TSC22D4: variants seen among roughly 807,000 people sequenced by gnomAD.
The protein encoded by TSC22D4 is TSC22 domain family protein 4.
Under a neutral mutation model 24.9 loss-of-function variants are expected in TSC22D4, and 5 were observed. The ratio of observed to expected loss-of-function variants is 0.20; its 90% CI spans 0.10 to 0.42. TSC22D4 has a LOEUF of 0.42. Ranked by LOEUF, TSC22D4 falls within the 10% of genes least tolerant of loss-of-function variation. The probability of loss-of-function intolerance (pLI) is 1.00; values close to 1 mark genes in which losing one functional copy is unlikely to be tolerated. For missense variants in TSC22D4, 469 were observed against 547.9 expected (o/e 0.86, Z 1.44); for synonymous variants, 245 against 243.2 (o/e 1.01, Z -0.07).
Position 100,474,174 on chromosome 7 carries a change from C to G in TSC22D4, c.929+100G>C. ...CTAAGAGGTCCTCTCCAAGTTCAACCTGGGGGAAGGATGCCTACCAGGCAC... is the reference window on the plus strand; with the variant it reads ...CTAAGAGGTCCTCTCCAAGTTCAACGTGGGGGAAGGATGCCTACCAGGCAC... On this transcript the variant is annotated intron_variant, in intron 3 of 4. Coordinates refer to ENST00000300181, the MANE Select transcript of TSC22D4 (RefSeq NM_030935.5). The surrounding 1 kb of genome is among the most constrained non-coding windows in gnomAD (Gnocchi z 4.3). The G allele has an allele frequency of 1.3e-6, 2 of 1,506,702 alleles. No homozygotes were observed. The highest frequency in any genetic ancestry group is 9.0e-7 in the Non-Finnish European group (1 of 1,107,212). The allele number at this position is 1,506,702 out of a possible 1,614,324, so 93.3% of individuals were successfully genotyped here.
At chr7:100,470,439 G>A (rs987786221) in intron 3 of TSC22D4, among the ~76,000 whole-genome samples, 1 of 152,106 alleles carries the variant, frequency 6.6e-6, no homozygotes. Context: ...TTACAGGCAT[G>A]AGCCACCATG....
chr7:100,470,683 G>A (rs1032510541), intron 3 of TSC22D4, among the ~76,000 whole-genome samples: 2 of 152,128 alleles, frequency 1.3e-5, no homozygotes, highest in Non-Finnish European at 2.9e-5. Flanking sequence ...GGACCCCAAA[G>A]CGAGGGGTTG....
At chr7:100,470,327 T>A (rs1013446828) in intron 3 of TSC22D4, among the ~76,000 whole-genome samples, 8 of 152,186 alleles carry the variant, frequency 5.3e-5, no homozygotes, top group African/African-American at 1.4e-4. Context: ...GTTTTTGCTC[T>A]TGTTGCCCAG....
chr7:100,473,110 T>C (rs1381161868), intron 3 of TSC22D4, among the ~76,000 whole-genome samples: 1 of 152,170 alleles, frequency 6.6e-6, no homozygotes, highest in African/African-American at 2.4e-5. Context: ...GGCCTCCCTT[T>C]TCAGCTTGCT....
intron 3 of TSC22D4, among the ~76,000 whole-genome samples, chr7:100,470,652 C>T (rs1183325532): frequency 5.3e-5 from 8 of 152,120 alleles, no homozygotes; most frequent in Non-Finnish European, 1.2e-4. Context: ...AGGGCTCTGG[C>T]AATGCAGGCC....
intron 3 of TSC22D4, among the ~76,000 whole-genome samples, chr7:100,473,016 G>A (rs1563181526): frequency 6.6e-6 from 1 of 152,022 alleles, no homozygotes; most frequent in Non-Finnish European, 1.5e-5. Flanking sequence ...AAAGAAAAGC[G>A]GTGACTCCCC....
rs1057324171 is a variant in TSC22D4, at chr7:100,477,065, G to A, written c.762+212C>T. 6.6e-6 allele frequency among the ~76,000 whole-genome samples: 1 copy of A among 152,178 alleles called. No homozygotes were observed. The highest frequency in any genetic ancestry group is 1.5e-5 in the Non-Finnish European group (1 of 68,034). ...GAGAATCAGAGGCCAGGGAGAAAGA[G>A]AGAGGGTGCAGAAAAACAGGAAGGA... On this transcript the variant is annotated intron_variant, in intron 2 of 4. Coordinates refer to ENST00000300181, the MANE Select transcript of TSC22D4 (RefSeq NM_030935.5). This position sits in a 1 kb window ranked among gnomAD's most constrained non-coding sequence, Gnocchi z 7.8.
intron 3 of TSC22D4, among the ~76,000 whole-genome samples, chr7:100,469,424 C>A (rs1348273271): frequency 6.6e-6 from 1 of 151,964 alleles, no homozygotes; most frequent in African/African-American, 2.4e-5. Flanking sequence ...CACCAGAGGG[C>A]GACTCAGGCC....
At chr7:100,470,968 C>T (rs892292575) in intron 3 of TSC22D4, among the ~76,000 whole-genome samples, 17 of 152,078 alleles carry the variant, frequency 1.1e-4, no homozygotes, top group African/African-American at 3.6e-4. Context: ...GGTCCTGGGG[C>T]GGGGACAGCC....
Position 100,479,053 on chromosome 7 carries a change from G to A in TSC22D4, c.-529C>T, listed in dbSNP as rs1285420766. The A allele has an allele frequency of 6.6e-6, 1 of 152,268 alleles. No individual in the cohort carries two copies. The highest frequency in any genetic ancestry group is 6.5e-5 in the Admixed American group (1 of 15,282). 9.4% of individuals were successfully genotyped at this position (152,268 alleles called of 1,614,324 possible). On this transcript the variant is annotated 5_prime_UTR_variant, in exon 1 of 5. Coordinates refer to ENST00000300181, the MANE Select transcript of TSC22D4 (RefSeq NM_030935.5). ...CTGAAGCCCCAAGGGTCTGGAGACT[G>A]ATGTGGGAGGGGGCGGCCGAGCCCC...
At chr7:100,467,514 G>T (rs1420602988) in intron 4 of TSC22D4, 38 bp downstream of exon 4, 2 of 1,609,544 alleles carry the variant, frequency 1.2e-6, no homozygotes, top group Non-Finnish European at 1.7e-6. Flanking sequence ...TGGCTTAAGG[G>T]GGCCAGGACC....
chr7:100,470,593 A>G (rs1584348108), intron 3 of TSC22D4, among the ~76,000 whole-genome samples: 1 of 152,226 alleles, frequency 6.6e-6, no homozygotes, highest in African/African-American at 2.4e-5. Context: ...GGTGTGAGTC[A>G]CTGTGCCAGG....
intron 3 of TSC22D4, among the ~76,000 whole-genome samples, chr7:100,471,495 T>A (rs1799391650): frequency 6.6e-6 from 1 of 152,008 alleles, no homozygotes; most frequent in Non-Finnish European, 1.5e-5. Context: ...ATCCCAGCAC[T>A]TTGGGAGGTC....
At position 100,474,248 on chromosome 7, in the gene TSC22D4, C is replaced by T; in HGVS notation, c.929+26G>A. 3 of 1,610,446 alleles carry T rather than the reference C, an allele frequency of 1.9e-6. No homozygotes were observed. Among genetic ancestry groups the T allele is most frequent in the Non-Finnish European group, 2.5e-6 (3 of 1,177,246 alleles). On this transcript the variant is annotated intron_variant, in intron 3 of 4. Transcript: ENST00000300181. This position sits in a 1 kb window ranked among gnomAD's most constrained non-coding sequence, Gnocchi z 4.3. ...TGGGCGGGGAACCTGAACCCCACGC[C>T]CCACCACCCCACGAAGCCCACCTAC... is the stretch of plus-strand genomic sequence containing the variant.
chr7:100,467,806 C>T (rs952981387), intron 3 of TSC22D4: 22 of 697,848 alleles, frequency 3.2e-5, no homozygotes, highest in African/African-American at 1.6e-4. Flanking sequence ...AGATGTCCCT[C>T]GGATGGGGGA....
At chr7:100,468,173 A>C in intron 3 of TSC22D4, 1 of 290,722 alleles carries the variant, frequency 3.4e-6, no homozygotes, top group Non-Finnish European at 7.0e-6. Context: ...CCCTCCTTTC[A>C]GCTCCTCGGT....
chr7:100,477,188 A>AGGGGGGGG lies in TSC22D4; in HGVS notation c.762+88_762+89insCCCCCCCC, dbSNP rs754031841. The AGGGGGGGG allele has an allele frequency of 9.4e-7, 1 of 1,061,950 alleles. No homozygotes were observed. Among genetic ancestry groups the AGGGGGGGG allele is most frequent in the Non-Finnish European group, 1.3e-6 (1 of 791,082 alleles). The allele number at this position is 1,061,950 out of a possible 1,614,324, so 65.8% of individuals were successfully genotyped here. A position where few individuals can be genotyped will look rare whatever the true frequency, so the allele number is the denominator to read the frequency against. On this transcript the variant is annotated intron_variant, in intron 2 of 4. Coordinates refer to ENST00000300181, the MANE Select transcript of TSC22D4 (RefSeq NM_030935.5). The surrounding 1 kb of genome is among the most constrained non-coding windows in gnomAD (Gnocchi z 7.8). ...TGATCTTATAAAGTGATGGAGAAGG[A>AGGGGGGGG]GGAGGAGAGGGGGGGGAGGAGGAGG... is the stretch of plus-strand genomic sequence containing the variant.
At chr7:100,467,793 C>T (rs1799314400) in intron 3 of TSC22D4, 193 bp from the exon 4 acceptor site, 1 of 702,216 alleles carries the variant, frequency 1.4e-6, no homozygotes, top group East Asian at 2.7e-5. Context: ...GGGGCGGGGG[C>T]CCAGATGTCC....
chr7:100,466,606 C>G lies in TSC22D4; in HGVS notation c.*353G>C. 3.4e-6 allele frequency: 1 copy of G among 295,464 alleles called. No individual in the cohort carries two copies. Among genetic ancestry groups the G allele is most frequent in the South Asian group, 8.6e-5 (1 of 11,614 alleles). 18.3% of individuals were successfully genotyped at this position (295,464 alleles called of 1,614,324 possible). Reference sequence around the variant, plus strand: ...CTTCCAGATACTGTCCACACTCCCTCCCCTGGGCAGAGGAGAGGAGGCACC... The same window carrying G: ...CTTCCAGATACTGTCCACACTCCCTGCCCTGGGCAGAGGAGAGGAGGCACC... On this transcript the variant is annotated 3_prime_UTR_variant, in exon 5 of 5. Transcript: ENST00000300181.
Sources: allele counts gnomAD v4.1 joint callset (sites outside exome capture counted in the v4.1 genomes callset), GRCh38; gene constraint gnomAD v4.1.1; non-coding constraint Gnocchi (gnomAD v3.1); transcripts MANE v1.5; gene names NCBI Gene and HGNC (gene_info 2026-07-23, HGNC 2026-07-21).